The following ARHGEF28 variants were observed in gnomAD, a reference collection of about 807,000 sequenced individuals.
ARHGEF28 encodes Rho guanine nucleotide exchange factor 28.
In ARHGEF28, 152 loss-of-function variants were observed where a neutral mutation model predicts 206.6. The observed-to-expected ratio is 0.74, with a 90% CI of 0.64 to 0.84. The LOEUF is 0.84. Ranked by LOEUF, ARHGEF28 falls within the 40% of genes least tolerant of loss-of-function variation. The pLI is 0.00. For missense variants in ARHGEF28, 2,028 were observed against 2,073.2 expected (o/e 0.98, Z 0.42); for synonymous variants, 763 against 776.4 (o/e 0.98, Z 0.29).
At chr5:73,830,560 G>A (rs142906578) in intron 9 of ARHGEF28, among the ~76,000 whole-genome samples, 2,854 of 124,490 alleles carry the variant, frequency 0.023, no homozygotes, top group Middle Eastern at 0.032. Context: ...CTCAAAAAAA[G>A]AAAAAAAAAA....
intron 1 of ARHGEF28, among the ~76,000 whole-genome samples, chr5:73,671,670 C>CAGCTGGG (rs1746305926): frequency 1.5e-5 from 2 of 132,428 alleles, no homozygotes; most frequent in Admixed American, 8.4e-5. Context: ...TTGTCAGTAT[C>CAGCTGGG]AGCTGGGTTT....
chr5:73,682,944 C>G (rs893464057), intron 1 of ARHGEF28, among the ~76,000 whole-genome samples: 9 of 152,094 alleles, frequency 5.9e-5, no homozygotes, highest in Admixed American at 5.9e-4. Flanking sequence ...CCTGTCTGCC[C>G]CATTTAGAAT....
rs185546541 is a variant in ARHGEF28, at chr5:73,907,199, G to A, written c.4162-2213G>A. On this transcript the variant is annotated intron_variant, in intron 33 of 35. Coordinates refer to ENST00000513042, the MANE Select transcript of ARHGEF28 (RefSeq NM_001177693.2). ...TTCTTTTAAATGTCAGCTGGGAAGG[G>A]ATACAGTTTGAGCACCAGCCATTAA... Among the ~76,000 whole-genome samples, 60 of 152,294 alleles carry A rather than the reference G, an allele frequency of 3.9e-4. No individual in the cohort carries two copies. In the East Asian group the frequency reaches 0.011, roughly 27 times the overall value.
At chr5:73,841,327 A>G (rs956713440) in intron 11 of ARHGEF28, among the ~76,000 whole-genome samples, 2 of 152,210 alleles carry the variant, frequency 1.3e-5, no homozygotes, top group Non-Finnish European at 2.9e-5. Flanking sequence ...AAAAGCCCCA[A>G]AATACTTGTT....
intron 2 of ARHGEF28, among the ~76,000 whole-genome samples, chr5:73,690,667 C>T (rs1346062102): frequency 6.6e-6 from 1 of 152,022 alleles, no homozygotes; most frequent in Non-Finnish European, 1.5e-5. Context: ...CACTGCACTC[C>T]AGCCTGGGTG....
intron 1 of ARHGEF28, among the ~76,000 whole-genome samples, chr5:73,658,221 C>T (rs549998470): frequency 1.3e-5 from 2 of 151,930 alleles, no homozygotes; most frequent in East Asian, 1.9e-4. Flanking sequence ...AGGATTAGTC[C>T]CTCTCCTGTC....
chr5:73,657,172 CAAAAA>C (rs76970237), intron 1 of ARHGEF28, among the ~76,000 whole-genome samples: 1 of 94,546 alleles, frequency 1.1e-5, no homozygotes, highest in Non-Finnish European at 2.0e-5. Flanking sequence ...GACTCCGTCC[CAAAAA>C]AAAAAAAAAA....
At chr5:73,733,161 C>T (rs1750713089) in intron 2 of ARHGEF28, among the ~76,000 whole-genome samples, 1 of 152,036 alleles carries the variant, frequency 6.6e-6, no homozygotes, top group Non-Finnish European at 1.5e-5. Context: ...TTCCCAAGTC[C>T]CCAAAGTCCA....
At chr5:73,939,759 G>A (rs1742479266) in intron 35 of ARHGEF28, among the ~76,000 whole-genome samples, 1 of 152,224 alleles carries the variant, frequency 6.6e-6, no homozygotes, top group African/African-American at 2.4e-5. Flanking sequence ...TCCTTGTCAG[G>A]AGGGCAAAGG....
At chr5:73,899,348 G>A (rs912192387) in intron 30 of ARHGEF28, 7 of 152,220 alleles carry the variant, frequency 4.6e-5, no homozygotes, top group African/African-American at 1.4e-4. Context: ...GCAGCTGCCC[G>A]AGCCCGCGGT....
intron 2 of ARHGEF28, among the ~76,000 whole-genome samples, chr5:73,731,544 C>T (rs1261052671): frequency 1.3e-5 from 2 of 152,078 alleles, no homozygotes; most frequent in Non-Finnish European, 2.9e-5. Flanking sequence ...CCAGGGAAGA[C>T]CCATAATTAC....
At chr5:73,816,376 A>C (rs537909353) in intron 9 of ARHGEF28, among the ~76,000 whole-genome samples, 1 of 152,236 alleles carries the variant, frequency 6.6e-6, no homozygotes, top group African/African-American at 2.4e-5. Context: ...TTTCTTAATC[A>C]TTCTTCCCTT....
At chr5:73,701,011 A>C (rs1050764058) in intron 2 of ARHGEF28, among the ~76,000 whole-genome samples, 1 of 152,132 alleles carries the variant, frequency 6.6e-6, no homozygotes, top group Non-Finnish European at 1.5e-5. Flanking sequence ...TTGAATTGTG[A>C]CTTTTATTGT....
chr5:73,909,290 G>C, intron 33 of ARHGEF28, 122 bp from the exon 34 acceptor site: 1 of 1,417,356 alleles, frequency 7.1e-7, no homozygotes, highest in Non-Finnish European at 9.4e-7. Flanking sequence ...AAAAAGGCCA[G>C]AAATATTAAG....
In ARHGEF28 at chr5:73,753,207, G is replaced by A; in HGVS notation, c.475+5G>A. On this transcript the variant is annotated splice_donor_5th_base_variant and intron_variant, in intron 4 of 35. Transcript: ENST00000513042. ...TGGGAAGTTCTTCACTTGAAGGTGG[G>A]TCATCACCAGAAAATTCAGATATCC... is the stretch of plus-strand genomic sequence containing the variant. 1 of 1,517,068 alleles carries A rather than the reference G, an allele frequency of 6.6e-7. No homozygotes were observed. The highest frequency in any genetic ancestry group is 8.8e-7 in the Non-Finnish European group (1 of 1,134,500). The allele number at this position is 1,517,068 out of a possible 1,614,324, so 94.0% of individuals were successfully genotyped here. A position where few individuals can be genotyped will look rare whatever the true frequency, so the allele number is the denominator to read the frequency against.
At chr5:73,792,817 A>G (rs1266441407) in intron 7 of ARHGEF28, among the ~76,000 whole-genome samples, 1 of 152,182 alleles carries the variant, frequency 6.6e-6, no homozygotes, top group African/African-American at 2.4e-5. Flanking sequence ...TAGTGGGACA[A>G]AAATGCTAAT....
intron 31 of ARHGEF28, chr5:73,902,803 C>A (rs1417141094): frequency 6.6e-6 from 1 of 152,178 alleles, no homozygotes. Flanking sequence ...AACCTAGTGG[C>A]TTTTGGGCAT....
intron 35 of ARHGEF28, among the ~76,000 whole-genome samples, chr5:73,926,404 C>A (rs1763811079): frequency 1.3e-5 from 2 of 152,166 alleles, no homozygotes; most frequent in South Asian, 4.1e-4. Context: ...TAGAAGGGTC[C>A]TGATCACCAG....
chr5:73,726,594 A>G (rs1750289023), intron 2 of ARHGEF28, among the ~76,000 whole-genome samples: 1 of 152,238 alleles, frequency 6.6e-6, no homozygotes, highest in African/African-American at 2.4e-5. Flanking sequence ...GAACTTACTA[A>G]GCACAGTGTA....
Sources: allele counts gnomAD v4.1 joint callset (sites outside exome capture counted in the v4.1 genomes callset), GRCh38; gene constraint gnomAD v4.1.1; transcripts MANE v1.5; gene names NCBI Gene and HGNC (gene_info 2026-07-23, HGNC 2026-07-21).